Variants in FILIP1L observed in about 807,000 individuals in gnomAD.
The protein encoded by FILIP1L is filamin A interacting protein 1 like.
In FILIP1L, 55 loss-of-function variants were observed where a neutral mutation model predicts 96.6. That is an observed-to-expected ratio of 0.57 (90% confidence interval 0.46 to 0.71). The LOEUF is 0.71. Among genes scored for constraint, FILIP1L ranks in the 30% least tolerant of loss-of-function variants. The pLI is 0.00. For synonymous variants in FILIP1L, 467 were observed against 473.9 expected, an observed-to-expected ratio of 0.99 and a Z score of 0.19; for missense variants, 1,304 against 1,321.2, an observed-to-expected ratio of 0.99 and a Z score of 0.20.
chr3:100,099,427 A>G (rs1443398032), intron 1 of FILIP1L, among the ~76,000 whole-genome samples: 1 of 152,202 alleles, frequency 6.6e-6, no homozygotes, highest in African/African-American at 2.4e-5. Context: ...ACAAGTATAC[A>G]AGGGTAAGGA....
chr3:100,078,870 G>A (rs997713735), intron 1 of FILIP1L, among the ~76,000 whole-genome samples: 10 of 151,992 alleles, frequency 6.6e-5, no homozygotes, highest in Admixed American at 1.3e-4. Context: ...CAGCCTGAGC[G>A]ACAGAGTGGG....
At chr3:99,939,132 A>G (rs569121668) in intron 1 of FILIP1L, among the ~76,000 whole-genome samples, 1 of 152,358 alleles carries the variant, frequency 6.6e-6, no homozygotes, top group South Asian at 2.1e-4. Flanking sequence ...GAGAAAGTCA[A>G]AGCCACAGAG....
At chr3:99,997,789 T>C (rs1559719446) in intron 1 of FILIP1L, among the ~76,000 whole-genome samples, 1 of 152,144 alleles carries the variant, frequency 6.6e-6, no homozygotes, top group Non-Finnish European at 1.5e-5. Context: ...CATGAGGTAA[T>C]AGAGTTTTGA....
chr3:100,067,754 A>T (rs757823206), intron 1 of FILIP1L, among the ~76,000 whole-genome samples: 2 of 152,046 alleles, frequency 1.3e-5, no homozygotes, highest in Non-Finnish European at 2.9e-5. Context: ...ATACCACACT[A>T]CTTTGAAATA....
intron 1 of FILIP1L, among the ~76,000 whole-genome samples, chr3:100,076,595 A>AT: frequency 6.6e-6 from 1 of 152,004 alleles, no homozygotes; most frequent in Non-Finnish European, 1.5e-5. Context: ...CTTCTGAGTT[A>AT]TTTTTTCCTG....
intron 1 of FILIP1L, among the ~76,000 whole-genome samples, chr3:100,006,469 A>T (rs1034915940): frequency 2.0e-5 from 3 of 152,020 alleles, no homozygotes; most frequent in Non-Finnish European, 4.4e-5. Context: ...AGTGCTTTTC[A>T]TGAGGTTATC....
intron 1 of FILIP1L, among the ~76,000 whole-genome samples, chr3:99,982,002 T>C (rs1453877793): frequency 6.6e-6 from 1 of 152,216 alleles, no homozygotes; most frequent in Non-Finnish European, 1.5e-5. Context: ...CATAATCACT[T>C]TTCTATTTTA....
Position 99,942,692 on chromosome 3 carries a change from G to A in FILIP1L, c.-10-11662C>T, listed in dbSNP as rs1707886390. Among the ~76,000 whole-genome samples, 7 of 152,168 alleles carry A rather than the reference G, an allele frequency of 4.6e-5. No individual in the cohort carries two copies. In the South Asian group the frequency reaches 1.5e-3, roughly 32 times the overall value. On this transcript the variant is annotated intron_variant, in intron 1 of 5. Transcript: ENST00000477258. ...ACTAAAAATATAACTAGCCGGGCATGGTGGTGGATGCCTGTAATCCCAGCT... is the reference window on the plus strand; with the variant it reads ...ACTAAAAATATAACTAGCCGGGCATAGTGGTGGATGCCTGTAATCCCAGCT...
chr3:99,971,167 C>G (rs1708807286), intron 1 of FILIP1L, among the ~76,000 whole-genome samples: 1 of 152,062 alleles, frequency 6.6e-6, no homozygotes, highest in South Asian at 2.1e-4. Context: ...GAAACCCCGT[C>G]TCTACTAAAA....
At chr3:100,041,144 C>T (rs575241004) in intron 1 of FILIP1L, 3 of 152,286 alleles carry the variant, frequency 2.0e-5, no homozygotes, top group African/African-American at 7.2e-5. Context: ...TAGCTAAATG[C>T]AAGAAATCAC....
chr3:99,916,615 T>G (rs1706963180), intron 4 of FILIP1L, among the ~76,000 whole-genome samples: 1 of 152,192 alleles, frequency 6.6e-6, no homozygotes, highest in African/African-American at 2.4e-5. Flanking sequence ...CTATGAGATC[T>G]CTATCATTTT....
At chr3:100,010,288 T>G (rs7619512) in intron 1 of FILIP1L, 39 of 217,324 alleles carry the variant, frequency 1.8e-4, no homozygotes, top group Non-Finnish European at 2.7e-4. Context: ...GTGTTCTGCA[T>G]GGAAGGAAAA....
intron 1 of FILIP1L, among the ~76,000 whole-genome samples, chr3:99,942,606 C>A (rs532634662): frequency 1.1e-4 from 16 of 152,134 alleles, no homozygotes; most frequent in African/African-American, 3.1e-4. Flanking sequence ...CCGAGGCGGG[C>A]GGATCACCTG....
intron 1 of FILIP1L, among the ~76,000 whole-genome samples, chr3:99,931,390 T>C (rs1411383214): frequency 1.3e-5 from 2 of 152,200 alleles, no homozygotes; most frequent in African/African-American, 4.8e-5. Context: ...AACATAATTA[T>C]AATATTGTAA....
At chr3:99,965,561 G>A (rs1708625137) in intron 1 of FILIP1L, among the ~76,000 whole-genome samples, 1 of 152,192 alleles carries the variant, frequency 6.6e-6, no homozygotes, top group South Asian at 2.1e-4. Flanking sequence ...ATACCTGATA[G>A]CAGCAATTTA....
At chr3:99,879,606 A>G (rs1705652361) in intron 4 of FILIP1L, among the ~76,000 whole-genome samples, 1 of 152,170 alleles carries the variant, frequency 6.6e-6, no homozygotes, top group South Asian at 2.1e-4. Context: ...GCAGTAATTA[A>G]TAGGATGTTT....
At chr3:100,000,002 G>T (rs1004485250) in intron 1 of FILIP1L, among the ~76,000 whole-genome samples, 2 of 151,610 alleles carry the variant, frequency 1.3e-5, no homozygotes, top group African/African-American at 4.8e-5. Context: ...AAAAAGAAAA[G>T]AAATACCAGA....
At chr3:100,046,211 C>T (rs1398683149) in intron 1 of FILIP1L, among the ~76,000 whole-genome samples, 1 of 152,152 alleles carries the variant, frequency 6.6e-6, no homozygotes, top group African/African-American at 2.4e-5. Context: ...ATACTTGAAA[C>T]TGATCAGGGC....
intron 4 of FILIP1L, among the ~76,000 whole-genome samples, chr3:99,893,024 A>G (rs1220976284): frequency 6.6e-6 from 1 of 152,172 alleles, no homozygotes; most frequent in African/African-American, 2.4e-5. Context: ...AGGAGTGGCA[A>G]TGCCTTGCTA....
Sources: allele counts gnomAD v4.1 joint callset (sites outside exome capture counted in the v4.1 genomes callset), GRCh38; gene constraint gnomAD v4.1.1; transcripts MANE v1.5; gene names NCBI Gene and HGNC (gene_info 2026-07-23, HGNC 2026-07-21).